STIM1: variants seen among roughly 807,000 people sequenced by gnomAD.
STIM1 encodes the protein stromal interaction molecule 1.
STIM1 carries 25 observed loss-of-function variants against 74.7 expected under a neutral mutation model. The observed-to-expected ratio is 0.33, with a 90% CI of 0.24 to 0.47. The LOEUF is 0.47. Ranked by LOEUF, STIM1 falls within the 20% of genes least tolerant of loss-of-function variation. STIM1 has a pLI of 1.00. For synonymous variants in STIM1, 328 were observed against 348.8 expected (o/e 0.94, Z 0.66); for missense variants, 728 against 920.8 (o/e 0.79, Z 2.71).
chr11:3,918,167 C>A (rs762526540), intron 1 of STIM1, among the ~76,000 whole-genome samples: 9 of 152,058 alleles, frequency 5.9e-5, no homozygotes, highest in Non-Finnish European at 1.0e-4. Flanking sequence ...AGGCTTTCTC[C>A]CATGTAGTGG....
intron 1 of STIM1, among the ~76,000 whole-genome samples, chr11:3,935,692 C>T (rs954184619): frequency 4.6e-5 from 7 of 152,120 alleles, no homozygotes; most frequent in Non-Finnish European, 7.3e-5. Context: ...TTGGCTGGAG[C>T]GTGGAAGAAG....
chr11:3,952,347 A>G (rs892834292), intron 1 of STIM1, among the ~76,000 whole-genome samples: 2 of 152,124 alleles, frequency 1.3e-5, no homozygotes, highest in East Asian at 1.9e-4. Flanking sequence ...GTGAGCCATG[A>G]TCTTGCCACT....
intron 8 of STIM1, 50 bp from the exon 9 acceptor site, chr11:4,082,832 T>G: frequency 6.6e-7 from 1 of 1,520,880 alleles, no homozygotes; most frequent in Non-Finnish European, 9.1e-7. Context: ...TCTCATTTAT[T>G]CCATTCTCGA....
chr11:4,018,272 AC>A (rs1281602602), intron 2 of STIM1, among the ~76,000 whole-genome samples: 4 of 149,786 alleles, frequency 2.7e-5, no homozygotes, highest in African/African-American at 9.8e-5. Context: ...ACAAGGTGAA[AC>A]CCCGTCTCTA....
chr11:3,913,807 C>T (rs185894375), intron 1 of STIM1, among the ~76,000 whole-genome samples: 144 of 152,210 alleles, frequency 9.5e-4, no homozygotes, highest in Non-Finnish European at 2.2e-4. Context: ...TTTCCGCTCC[C>T]GCTGGCAGCC....
intron 2 of STIM1, among the ~76,000 whole-genome samples, chr11:4,005,393 C>G (rs563738269): frequency 2.0e-5 from 3 of 152,274 alleles, no homozygotes; most frequent in African/African-American, 7.2e-5. Context: ...CCATGGCATA[C>G]TATGCAGCCA....
chr11:4,082,490 C>T, intron 8 of STIM1, 139 bp downstream of exon 8: 1 of 954,166 alleles, frequency 1.0e-6, no homozygotes, highest in Non-Finnish European at 1.6e-6. Flanking sequence ...TGTTTCTTTC[C>T]TAATGTTCAG....
At chr11:3,907,690 C>G (rs1229817694) in intron 1 of STIM1, among the ~76,000 whole-genome samples, 1 of 152,180 alleles carries the variant, frequency 6.6e-6, no homozygotes, top group Non-Finnish European at 1.5e-5. Context: ...CTTTACATAT[C>G]TCTCAGGGAA....
chr11:4,039,880 G>T (rs1053513862), intron 3 of STIM1, among the ~76,000 whole-genome samples: 1 of 151,944 alleles, frequency 6.6e-6, no homozygotes, highest in Non-Finnish European at 1.5e-5. Flanking sequence ...TGATTCTCCT[G>T]CCTCAGCCTC....
chr11:3,989,705 T>A (rs796612318), intron 2 of STIM1, among the ~76,000 whole-genome samples: 1 of 152,266 alleles, frequency 6.6e-6, no homozygotes, highest in Non-Finnish European at 1.5e-5. Flanking sequence ...TAAAGTTTTA[T>A]TGGCATACAG....
At chr11:4,012,049 T>C (rs1447027720) in intron 2 of STIM1, among the ~76,000 whole-genome samples, 1 of 152,222 alleles carries the variant, frequency 6.6e-6, no homozygotes, top group African/African-American at 2.4e-5. Flanking sequence ...TGTGGTGTTA[T>C]TTCTGAGGGC....
At chr11:3,964,908 A>G (rs1430698733) in intron 1 of STIM1, among the ~76,000 whole-genome samples, 2 of 151,616 alleles carry the variant, frequency 1.3e-5, no homozygotes, top group East Asian at 3.9e-4. Context: ...AAATTTTTGT[A>G]AAGACAGGGT....
intron 1 of STIM1, among the ~76,000 whole-genome samples, chr11:3,895,495 C>T (rs1453255940): frequency 1.3e-5 from 2 of 152,090 alleles, no homozygotes; most frequent in East Asian, 1.9e-4. Context: ...TTCAAACCAA[C>T]GGTCCTGTGA....
intron 2 of STIM1, among the ~76,000 whole-genome samples, chr11:4,015,511 A>G (rs1288805226): frequency 1.3e-5 from 2 of 152,072 alleles, no homozygotes; most frequent in Non-Finnish European, 2.9e-5. Flanking sequence ...TGAATCTGAC[A>G]ATTATGTGTC....
chr11:4,005,960 T>C (rs899594153), intron 2 of STIM1, among the ~76,000 whole-genome samples: 7 of 152,178 alleles, frequency 4.6e-5, no homozygotes, highest in Admixed American at 4.6e-4. Context: ...CCTTGCTAGA[T>C]GTTCAAGAGG....
At chr11:3,929,064 T>G (rs1951184711) in intron 1 of STIM1, among the ~76,000 whole-genome samples, 1 of 152,122 alleles carries the variant, frequency 6.6e-6, no homozygotes, top group Admixed American at 6.6e-5. Context: ...TTGGCCAGGT[T>G]GGTCTCGAAC....
chr11:3,995,487 C>G (rs1387119682), intron 2 of STIM1, among the ~76,000 whole-genome samples: 2 of 152,270 alleles, frequency 1.3e-5, no homozygotes, highest in East Asian at 3.9e-4. Context: ...TGTCTCTTTC[C>G]CTGGCCACAC....
chr11:4,077,236 T>C (rs1283875579), intron 7 of STIM1, among the ~76,000 whole-genome samples: 1 of 151,790 alleles, frequency 6.6e-6, no homozygotes, highest in Non-Finnish European at 1.5e-5. Context: ...TATATATTAA[T>C]ATAAATGTAA....
chr11:4,035,266 G>GT (rs55788240), intron 3 of STIM1, among the ~76,000 whole-genome samples: 36,134 of 136,486 alleles, frequency 0.26, 5,509 homozygotes, highest in South Asian at 0.47. Flanking sequence ...GGTGTATTGT[G>GT]TTTTTTTTTT....
Sources: allele counts gnomAD v4.1 joint callset (sites outside exome capture counted in the v4.1 genomes callset), GRCh38; gene constraint gnomAD v4.1.1; transcripts MANE v1.5; gene names NCBI Gene and HGNC (gene_info 2026-07-23, HGNC 2026-07-21).